LSAMP: variants seen among roughly 807,000 people sequenced by gnomAD.
The protein encoded by LSAMP is limbic system associated membrane protein.
A neutral mutation model predicts 38.6 loss-of-function variants in LSAMP; 7 were observed. The observed-to-expected ratio is 0.18, with a 90% CI of 0.10 to 0.34. The LOEUF (loss-of-function observed/expected upper bound fraction) is 0.34. Ranked by LOEUF, LSAMP falls within the 10% of genes least tolerant of loss-of-function variation. The pLI, the probability that LSAMP is intolerant of heterozygous loss-of-function variation, is 1.00. For synonymous variants in LSAMP, 154 were observed against 166.8 expected, an observed-to-expected ratio of 0.92 and a Z score of 0.59; for missense variants, 313 against 420.0, an observed-to-expected ratio of 0.75 and a Z score of 2.23.
At chr3:116,390,383 G>C (rs181040791) in intron 1 of LSAMP, among the ~76,000 whole-genome samples, 15 of 152,238 alleles carry the variant, frequency 9.9e-5, no homozygotes, top group Non-Finnish European at 1.5e-4. Flanking sequence ...AGAAGGTAAA[G>C]CTTGAGCGGG....
chr3:115,912,016 T>C (rs1937146865), intron 3 of LSAMP, among the ~76,000 whole-genome samples: 1 of 152,216 alleles, frequency 6.6e-6, no homozygotes, highest in Non-Finnish European at 1.5e-5. Flanking sequence ...TAAAATTAGA[T>C]TGTTTTTTGC....
intron 1 of LSAMP, among the ~76,000 whole-genome samples, chr3:116,333,695 G>A (rs2047883184): frequency 2.0e-5 from 3 of 151,724 alleles, no homozygotes; most frequent in Admixed American, 6.6e-5. Flanking sequence ...AATCACAAGT[G>A]AAATTAAAAA....
At chr3:116,368,865 A>G (rs943675494) in intron 1 of LSAMP, among the ~76,000 whole-genome samples, 10 of 152,180 alleles carry the variant, frequency 6.6e-5, no homozygotes, top group Admixed American at 1.3e-4. Context: ...AACAAGCAGC[A>G]TTTTAAAAGA....
chr3:115,996,037 T>C (rs1939806274), intron 3 of LSAMP, among the ~76,000 whole-genome samples: 1 of 151,998 alleles, frequency 6.6e-6, no homozygotes, highest in Non-Finnish European at 1.5e-5. Flanking sequence ...ATATTTTAAA[T>C]ATATACTTTA....
intron 6 of LSAMP, among the ~76,000 whole-genome samples, chr3:115,818,158 C>A (rs1392348087): frequency 6.6e-6 from 1 of 152,144 alleles, no homozygotes; most frequent in East Asian, 1.9e-4. Flanking sequence ...GAAAGCAATG[C>A]CTGTATGACT....
intron 2 of LSAMP, among the ~76,000 whole-genome samples, chr3:116,073,415 A>C (rs1031460031): frequency 6.6e-6 from 1 of 152,172 alleles, no homozygotes; most frequent in South Asian, 2.1e-4. Context: ...TTTTGGTTCC[A>C]TATGAATTTT....
At chr3:115,997,265 G>T (rs948691896) in intron 3 of LSAMP, among the ~76,000 whole-genome samples, 2 of 152,044 alleles carry the variant, frequency 1.3e-5, no homozygotes, top group African/African-American at 4.8e-5. Flanking sequence ...CTTCTATAGT[G>T]TAGTAGTATC....
intron 6 of LSAMP, chr3:115,834,494 G>T: frequency 9.2e-7 from 1 of 1,090,758 alleles, no homozygotes; most frequent in Non-Finnish European, 1.2e-6. Flanking sequence ...CCCTTTGTGT[G>T]TTTTGCATGT....
At chr3:116,382,075 C>T (rs1405718803) in intron 1 of LSAMP, among the ~76,000 whole-genome samples, 1 of 152,178 alleles carries the variant, frequency 6.6e-6, no homozygotes, top group East Asian at 1.9e-4. Context: ...AATAGTTCAA[C>T]CATTGTGGAA....
intron 1 of LSAMP, among the ~76,000 whole-genome samples, chr3:116,187,613 A>G (rs993105697): frequency 4.0e-5 from 6 of 151,598 alleles, no homozygotes; most frequent in Non-Finnish European, 8.8e-5. Context: ...CTTGACAAAA[A>G]CCTCTTCCTT....
chr3:116,300,771 CA>C (rs2047396533), intron 1 of LSAMP, among the ~76,000 whole-genome samples: 1 of 152,018 alleles, frequency 6.6e-6, no homozygotes, highest in South Asian at 2.1e-4. Context: ...CCCCTGGTGC[CA>C]AAAAGTTTGG....
chr3:116,325,964 C>T (rs926752760), intron 1 of LSAMP, among the ~76,000 whole-genome samples: 13 of 152,090 alleles, frequency 8.5e-5, no homozygotes, highest in African/African-American at 1.7e-4. Flanking sequence ...ATTTTTTTCC[C>T]CATGGTTCTC....
At chr3:116,421,697 T>C (rs888983181) in intron 1 of LSAMP, among the ~76,000 whole-genome samples, 5 of 152,064 alleles carry the variant, frequency 3.3e-5, no homozygotes, top group Admixed American at 6.5e-5. Context: ...CAACATTAGG[T>C]ATTAGGTAAG....
At chr3:116,199,665 G>C (rs1268067700) in intron 1 of LSAMP, among the ~76,000 whole-genome samples, 1 of 152,186 alleles carries the variant, frequency 6.6e-6, no homozygotes, top group Admixed American at 6.5e-5. Context: ...AGAATTTCCA[G>C]AAGATGAACA....
intron 3 of LSAMP, among the ~76,000 whole-genome samples, chr3:115,994,566 C>A (rs1293699668): frequency 6.6e-6 from 1 of 151,968 alleles, no homozygotes; most frequent in Non-Finnish European, 1.5e-5. Flanking sequence ...AGGCTAGCCA[C>A]ATTTAACTGC....
intron 1 of LSAMP, among the ~76,000 whole-genome samples, chr3:116,217,694 T>C (rs2046237450): frequency 1.3e-5 from 2 of 152,246 alleles, no homozygotes; most frequent in Admixed American, 6.5e-5. Flanking sequence ...ATGGAGATAT[T>C]AGTGTCTTCA....
chr3:116,087,971 G>T (rs1422477237), intron 1 of LSAMP, among the ~76,000 whole-genome samples: 6 of 148,816 alleles, frequency 4.0e-5, no homozygotes, highest in African/African-American at 1.0e-4. Flanking sequence ...ATAGCTCACT[G>T]CAGCCTCAAA....
At chr3:115,875,305 C>T (rs1936153507) in intron 3 of LSAMP, among the ~76,000 whole-genome samples, 1 of 152,052 alleles carries the variant, frequency 6.6e-6, no homozygotes, top group Non-Finnish European at 1.5e-5. Flanking sequence ...GATTTTCCTC[C>T]TGCTCTCACT....
chr3:116,338,337 C>T (rs1437836681), intron 1 of LSAMP, among the ~76,000 whole-genome samples: 1 of 151,894 alleles, frequency 6.6e-6, no homozygotes, highest in African/African-American at 2.4e-5. Context: ...TGACCTGCTC[C>T]TTATCAAGAT....
Sources: gnomAD v4.1 joint callset for allele counts (sites outside exome capture counted in the v4.1 genomes callset) on GRCh38, gnomAD v4.1.1 for gene constraint, MANE v1.5 for transcripts, NCBI Gene and HGNC (gene_info 2026-07-23, HGNC 2026-07-21) for gene names.